The following KHDRBS2 variants were observed in gnomAD, a reference collection of about 807,000 sequenced individuals.
The protein encoded by KHDRBS2 is KH RNA binding domain containing, signal transduction associated 2.
KHDRBS2 carries 26 observed loss-of-function variants against 44.3 expected under a neutral mutation model. That is an observed-to-expected ratio of 0.59 (90% CI 0.43 to 0.81). KHDRBS2 has a LOEUF of 0.81. Among genes scored for constraint, KHDRBS2 ranks in the 40% least tolerant of loss-of-function variants. The pLI is 0.00. For missense variants in KHDRBS2, 476 were observed against 433.1 expected (o/e 1.10, Z -0.88); for synonymous variants, 194 against 151.1 (o/e 1.28, Z -2.08).
chr6:62,243,711 C>A (rs1475152533), intron 1 of KHDRBS2, among the ~76,000 whole-genome samples: 5 of 151,940 alleles, frequency 3.3e-5, no homozygotes. Context: ...TCAGTCACAT[C>A]CTGAGGGTTC....
the KHDRBS2 span, among the ~76,000 whole-genome samples, chr6:61,639,815 T>C: frequency 6.6e-6 from 1 of 152,046 alleles, no homozygotes; most frequent in Non-Finnish European, 1.5e-5. Flanking sequence ...TGCTTTAGAA[T>C]TGGAAAATGG....
chr6:62,104,799 AATAAT>A (rs1198540396), intron 2 of KHDRBS2, among the ~76,000 whole-genome samples: 1 of 152,124 alleles, frequency 6.6e-6, no homozygotes, highest in Non-Finnish European at 1.5e-5. Context: ...AAATGAAATA[AATAAT>A]AAGTTACAAT....
intron 6 of KHDRBS2, among the ~76,000 whole-genome samples, chr6:61,877,783 G>A (rs1198403592): frequency 6.6e-6 from 1 of 151,768 alleles, no homozygotes; most frequent in African/African-American, 2.4e-5. Flanking sequence ...AAAATCTGTA[G>A]TCATTACATG....
At chr6:61,577,140 T>C in the KHDRBS2 span, among the ~76,000 whole-genome samples, 8 of 151,986 alleles carry the variant, frequency 5.3e-5, no homozygotes, top group Non-Finnish European at 1.2e-4. Flanking sequence ...TTTGTTTTTT[T>C]TGTTTTTTTT....
At chr6:61,643,943 T>A in the KHDRBS2 span, among the ~76,000 whole-genome samples, 1 of 152,144 alleles carries the variant, frequency 6.6e-6, no homozygotes, top group East Asian at 1.9e-4. Context: ...TTCACACAAC[T>A]AGTAACATTA....
intron 4 of KHDRBS2, among the ~76,000 whole-genome samples, chr6:61,932,224 T>C (rs891715135): frequency 6.6e-6 from 1 of 152,186 alleles, no homozygotes; most frequent in Non-Finnish European, 1.5e-5. Flanking sequence ...ATATACATTG[T>C]GGAATGGTTA....
chr6:61,679,266 C>A (rs536792920), downstream of KHDRBS2, among the ~76,000 whole-genome samples: 1 of 151,952 alleles, frequency 6.6e-6, no homozygotes, highest in African/African-American at 2.4e-5. Context: ...TTGAAGTTAG[C>A]AAGAGTTGCA....
chr6:61,672,907 A>G, the KHDRBS2 span, among the ~76,000 whole-genome samples: 2 of 152,018 alleles, frequency 1.3e-5, no homozygotes, highest in Admixed American at 6.6e-5. Context: ...TGTTTTAGAC[A>G]TGAAGCCCTT....
chr6:62,095,031 T>C (rs1221637039), intron 2 of KHDRBS2, among the ~76,000 whole-genome samples: 1 of 151,982 alleles, frequency 6.6e-6, no homozygotes, highest in Non-Finnish European at 1.5e-5. Flanking sequence ...CAGAATTGCT[T>C]TGGCTATTTG....
At chr6:62,271,733 T>C (rs9354861) in intron 1 of KHDRBS2, among the ~76,000 whole-genome samples, 75,430 of 151,198 alleles carry the variant, frequency 0.5, 21,085 homozygotes, top group Non-Finnish European at 0.62. Flanking sequence ...GTTTAAAGAG[T>C]AAAAAAATAA....
At chr6:61,888,408 G>T (rs1424300936) in intron 6 of KHDRBS2, among the ~76,000 whole-genome samples, 1 of 152,168 alleles carries the variant, frequency 6.6e-6, no homozygotes, top group Non-Finnish European at 1.5e-5. Context: ...TAAAAACATG[G>T]CAGCCCTGGG....
chr6:62,009,232 T>C (rs1173897364), intron 3 of KHDRBS2, among the ~76,000 whole-genome samples: 2 of 152,202 alleles, frequency 1.3e-5, no homozygotes, highest in Non-Finnish European at 2.9e-5. Context: ...GTTATGTTTT[T>C]AGCAAAGAGA....
At position 61,794,864 on chromosome 6, in the gene KHDRBS2, C is replaced by T. The variant is rs1202980627; in HGVS notation, c.811-62100G>A. Reference sequence around the variant, plus strand: ...TTGAGAAAAATATATTCAGGCCGGGCGCAGTGGCTAACTCCTGTAATCTCA... The same window carrying T: ...TTGAGAAAAATATATTCAGGCCGGGTGCAGTGGCTAACTCCTGTAATCTCA... On this transcript the variant is annotated intron_variant, in intron 6 of 8. Coordinates refer to ENST00000281156, the MANE Select transcript of KHDRBS2 (RefSeq NM_152688.4). 2.6e-5 allele frequency among the ~76,000 whole-genome samples: 4 copies of T among 152,052 alleles called. No homozygotes were observed. The South Asian group carries it at 6.2e-4, about 24-fold the overall frequency.
chr6:61,953,604 C>A (rs1254516744), intron 4 of KHDRBS2, among the ~76,000 whole-genome samples: 1 of 152,060 alleles, frequency 6.6e-6, no homozygotes, highest in African/African-American at 2.4e-5. Context: ...TTAAGTATAG[C>A]TCTCTGAAAC....
chr6:62,252,820 T>C (rs1836766718), intron 1 of KHDRBS2, among the ~76,000 whole-genome samples: 1 of 152,054 alleles, frequency 6.6e-6, no homozygotes, highest in Non-Finnish European at 1.5e-5. Context: ...TCTCTTCTTC[T>C]TCAGGTCAGT....
chr6:61,635,682 C>A, the KHDRBS2 span, among the ~76,000 whole-genome samples: 2 of 151,880 alleles, frequency 1.3e-5, no homozygotes, highest in Non-Finnish European at 2.9e-5. Flanking sequence ...AATCTCAAGG[C>A]CTGGAACAGA....
the KHDRBS2 span, among the ~76,000 whole-genome samples, chr6:61,643,525 G>A: frequency 1.3e-5 from 2 of 152,120 alleles, no homozygotes; most frequent in East Asian, 3.9e-4. Flanking sequence ...AACTATCCTT[G>A]TTTGCAGACA....
chr6:61,651,410 CTCTTGGGGATGCTGAATAAACTATGTGT>C, the KHDRBS2 span, among the ~76,000 whole-genome samples: 7 of 151,784 alleles, frequency 4.6e-5, no homozygotes, highest in Non-Finnish European at 7.4e-5. Flanking sequence ...TTTTATTTTC[CTCTTGGGGATGCTGAATAAACTATGTGT>C]TTTGCACCTA....
chr6:61,617,096 T>A, the KHDRBS2 span, among the ~76,000 whole-genome samples: 2 of 152,248 alleles, frequency 1.3e-5, no homozygotes, highest in East Asian at 3.9e-4. Flanking sequence ...TGCAAAGCAA[T>A]TAAGTATTTT....
Sources: allele counts gnomAD v4.1 joint callset (sites outside exome capture counted in the v4.1 genomes callset), GRCh38; gene constraint gnomAD v4.1.1; transcripts MANE v1.5; gene names NCBI Gene and HGNC (gene_info 2026-07-23, HGNC 2026-07-21).